Variants in TBC1D4 observed in about 807,000 individuals in gnomAD.
TBC1D4 encodes TBC (Tre-2, BUB2, CDC16) domain-containing protein.
A neutral mutation model predicts 142.5 loss-of-function variants in TBC1D4; 121 were observed. The observed-to-expected ratio is 0.85, with a 90% CI of 0.73 to 0.99. The LOEUF (loss-of-function observed/expected upper bound fraction) is 0.99. Ranked by LOEUF, TBC1D4 falls within the 50% of genes least tolerant of loss-of-function variation. TBC1D4 has a pLI of 0.00. For synonymous variants in TBC1D4, 630 were observed against 628.2 expected, an observed-to-expected ratio of 1.00 and a Z score of -0.04; for missense variants, 1,475 against 1,606.6, an observed-to-expected ratio of 0.92 and a Z score of 1.40.
intron 1 of TBC1D4, among the ~76,000 whole-genome samples, chr13:75,410,170 T>A (rs144848113): frequency 1.2e-3 from 183 of 152,276 alleles, no homozygotes; most frequent in African/African-American, 4.2e-3. Context: ...GTACCTATAA[T>A]TACTATGTTT....
chr13:75,481,917 A>G lies in TBC1D4; in HGVS notation c.-150T>C. On this transcript the variant is annotated 5_prime_UTR_variant, in exon 1 of 21. It removes the in-frame stop codon of an upstream open reading frame in the 5' UTR. Coordinates refer to ENST00000377636, the MANE Select transcript of TBC1D4 (RefSeq NM_014832.5). ...GGCGCGACCCCGAACTCCGCGCTTC[A>G]GCAGCCCTGCCCCATGCAGCACTTC... 8.3e-7 allele frequency: 1 copy of G among 1,198,404 alleles called. No homozygotes were observed. Among genetic ancestry groups the G allele is most frequent in the Non-Finnish European group, 1.1e-6 (1 of 919,658 alleles). The allele number at this position is 1,198,404 out of a possible 1,614,324, so 74.2% of individuals were successfully genotyped here. A position where few individuals can be genotyped will look rare whatever the true frequency, so the allele number is the denominator to read the frequency against.
chr13:75,337,101 A>C lies in TBC1D4; in HGVS notation c.1612-61T>G, dbSNP rs532095781. The C allele has an allele frequency of 2.3e-5, 35 of 1,495,284 alleles. No homozygotes were observed. The East Asian group carries it at 7.9e-4, about 34-fold the overall frequency. The allele number at this position is 1,495,284 out of a possible 1,614,324, so 92.6% of individuals were successfully genotyped here. A position where few individuals can be genotyped will look rare whatever the true frequency, so the allele number is the denominator to read the frequency against. On this transcript the variant is annotated intron_variant, in intron 7 of 20. Transcript: ENST00000377636. ...AATACTCAAGGTTAAATGAAACTTT[A>C]ATTATAGGCTTAAGACTAAGCTATT...
chr13:75,287,090 CAT>C (rs1204832074), intron 20 of TBC1D4, 65 bp from the exon 21 acceptor site: 33 of 1,317,402 alleles, frequency 2.5e-5, no homozygotes, highest in Non-Finnish European at 3.4e-5. Flanking sequence ...AGTCCTTACA[CAT>C]ATTAACCAAT....
At chr13:75,424,332 G>T (rs1302152722) in intron 1 of TBC1D4, among the ~76,000 whole-genome samples, 1 of 149,848 alleles carries the variant, frequency 6.7e-6, no homozygotes, top group Non-Finnish European at 1.5e-5. Context: ...ATGCAGAATT[G>T]CTCTAAGAAA....
rs1876283062 is a variant in TBC1D4, at chr13:75,299,411, C to G, written c.3075G>C (p.Glu1025Asp). The change falls in exon 17 of 21, where the codon GAG (glutamate) becomes GAC (aspartate). Residue 1025 changes from glutamate to aspartate, a missense_variant. Around this residue, in one of 2 missense-constraint regions of TBC1D4, gnomAD observed 248 missense variants for 338.9 expected, o/e 0.73. Transcript: ENST00000377636. ...GGAATTTCAGCATTTCAAAGGCTTGCTCTTCACTCATGTGCAGAAGCAGGA... is the reference window on the plus strand; with the variant it reads ...GGAATTTCAGCATTTCAAAGGCTTGGTCTTCACTCATGTGCAGAAGCAGGA... The part of the protein sequence containing the change: ...AGVLLLHMSE[E>D]QAFEMLKFLM... 6.2e-7 allele frequency: 1 copy of G among 1,614,024 alleles called. No homozygotes were observed. The highest frequency in any genetic ancestry group is 8.5e-7 in the Non-Finnish European group (1 of 1,180,028).
intron 12 of TBC1D4, 48 bp from the exon 13 acceptor site, chr13:75,312,946 A>G: frequency 6.2e-7 from 1 of 1,605,760 alleles, no homozygotes; most frequent in Non-Finnish European, 8.5e-7. Context: ...GCTGCACATC[A>G]TGGCACTTCA....
At chr13:75,337,325 T>C (rs934324466) in intron 7 of TBC1D4, among the ~76,000 whole-genome samples, 1 of 152,224 alleles carries the variant, frequency 6.6e-6, no homozygotes, top group Non-Finnish European at 1.5e-5. Context: ...ATACTTGATA[T>C]GTCAATTTTT....
intron 1 of TBC1D4, among the ~76,000 whole-genome samples, chr13:75,478,156 A>C (rs1888694874): frequency 6.6e-6 from 1 of 152,190 alleles, no homozygotes; most frequent in Non-Finnish European, 1.5e-5. Context: ...CCAATATGTG[A>C]GTAGATACTC....
At chr13:75,457,701 T>C (rs1164968931) in intron 1 of TBC1D4, among the ~76,000 whole-genome samples, 1 of 152,202 alleles carries the variant, frequency 6.6e-6, no homozygotes, top group Admixed American at 6.5e-5. Context: ...AAGAAGTACC[T>C]AGGATGCTTA....
Position 75,312,774 on chromosome 13 carries a change from G to T in TBC1D4, c.2347C>A (p.Pro783Thr), listed in dbSNP as rs1356219597. Residue 783 changes from proline (P) to threonine (T), a missense_variant, in exon 13 of 21, where the codon CCC becomes ACC. Physicochemically the swap from Pro to Thr is conservative, Grantham distance 38 (BLOSUM62 -1). Around this residue, in one of 2 missense-constraint regions of TBC1D4, gnomAD observed 1,227 missense variants for 1,267.7 expected, o/e 0.97. Transcript: ENST00000377636. The part of the protein sequence containing the change: ...RQRIFLRVAS[P>T]MNKSPSAMQQ... ...ATTGCTGAGGGAGATTTGTTCATGG[G>T]AGAAGCAACCCTGAGGAAAATGCGC... 6.2e-7 allele frequency: 1 copy of T among 1,614,072 alleles called. No homozygotes were observed.
Position 75,362,143 on chromosome 13 carries a change from GC to G in TBC1D4, c.962del (p.Gly321AlafsTer58). The G allele has an allele frequency of 6.2e-7, 1 of 1,613,392 alleles. No individual in the cohort carries two copies. The highest frequency in any genetic ancestry group is 1.1e-5 in the South Asian group (1 of 91,040). ...EFRSRCSSVT[G>X]VQRRVHEGSQ... ...TGCCCTCGTGAACTCTCCGTTGCAC[GC>G]CGGTGACACTGCTGCACCGAGACCG... On this transcript the variant is annotated frameshift_variant, in exon 2 of 21. Coordinates refer to ENST00000377636, the MANE Select transcript of TBC1D4 (RefSeq NM_014832.5). LOFTEE classifies it high-confidence loss of function. The surrounding 1 kb of genome is among the most constrained non-coding windows in gnomAD (Gnocchi z 4.2).
At chr13:75,477,425 T>G (rs2138350882) in intron 1 of TBC1D4, among the ~76,000 whole-genome samples, 1 of 152,306 alleles carries the variant, frequency 6.6e-6, no homozygotes, top group East Asian at 1.9e-4. Context: ...TTAAAATCAT[T>G]CTTGCAAGCT....
In TBC1D4 at chr13:75,288,859, C is replaced by T. The variant is rs569829333; in HGVS notation, c.3663+75G>A. On this transcript the variant is annotated intron_variant, in intron 20 of 20. Transcript: ENST00000377636. ...AATGGTTCATTCCACGCACATATCC[C>T]TTTCATTCCTGAGGTAGTTCTGTGC... 4.1e-4 allele frequency: 610 copies of T among 1,484,550 alleles called. 7 individuals carry two copies. The African/African-American group carries it at 7.9e-3, about 19-fold the overall frequency. The allele number at this position is 1,484,550 out of a possible 1,614,324, so 92.0% of individuals were successfully genotyped here. A position where few individuals can be genotyped will look rare whatever the true frequency, so the allele number is the denominator to read the frequency against.
chr13:75,287,269 C>T (rs1000901179), intron 20 of TBC1D4, among the ~76,000 whole-genome samples: 1 of 152,214 alleles, frequency 6.6e-6, no homozygotes, highest in Non-Finnish European at 1.5e-5. Flanking sequence ...CCCTCACCAA[C>T]AGTAGGAATC....
intron 20 of TBC1D4, among the ~76,000 whole-genome samples, chr13:75,288,072 T>C (rs568475013): frequency 6.6e-6 from 1 of 152,228 alleles, no homozygotes; most frequent in African/African-American, 2.4e-5. Context: ...AAATTTCTTA[T>C]TGCATGTATA....
Position 75,286,441 on chromosome 13 carries a change from C to T in TBC1D4, c.*351G>A. 1 of 194,088 alleles carries T rather than the reference C, an allele frequency of 5.2e-6. No individual in the cohort carries two copies. The highest frequency in any genetic ancestry group is 1.1e-5 in the Non-Finnish European group (1 of 93,568). 12.0% of individuals were successfully genotyped at this position (194,088 alleles called of 1,614,324 possible). On this transcript the variant is annotated 3_prime_UTR_variant, in exon 21 of 21. Transcript: ENST00000377636. ...AAGACAAAAAGATTTCACATATGTCCAAGGGAAATTTCAGTTTACCTTTCC... is the reference window on the plus strand; with the variant it reads ...AAGACAAAAAGATTTCACATATGTCTAAGGGAAATTTCAGTTTACCTTTCC...
At chr13:75,459,809 A>C (rs1179426735) in intron 1 of TBC1D4, among the ~76,000 whole-genome samples, 1 of 152,220 alleles carries the variant, frequency 6.6e-6, no homozygotes, top group Admixed American at 6.5e-5. Flanking sequence ...CAACAACAAA[A>C]ACATATATTT....
intron 1 of TBC1D4, among the ~76,000 whole-genome samples, chr13:75,416,426 C>T (rs1021004154): frequency 6.6e-6 from 1 of 152,202 alleles, no homozygotes. Context: ...TATTGAACAA[C>T]TGAGTGCTCA....
At chr13:75,476,782 T>C (rs1019847236) in intron 1 of TBC1D4, among the ~76,000 whole-genome samples, 2 of 152,188 alleles carry the variant, frequency 1.3e-5, no homozygotes, top group Non-Finnish European at 2.9e-5. Flanking sequence ...TCTAAAACTG[T>C]GGTCACCCGG....
Sources: allele counts gnomAD v4.1 joint callset (sites outside exome capture counted in the v4.1 genomes callset), GRCh38; gene constraint gnomAD v4.1.1; regional missense constraint gnomAD v4.1.1; non-coding constraint Gnocchi (gnomAD v3.1); transcripts MANE v1.5; gene names NCBI Gene and HGNC (gene_info 2026-07-23, HGNC 2026-07-21).